MROH7: variants seen among roughly 807,000 people sequenced by gnomAD.
The protein encoded by MROH7 is maestro heat-like repeat-containing protein family member 7.
Under a neutral mutation model 129.2 loss-of-function variants are expected in MROH7, and 113 were observed. That is an observed-to-expected ratio of 0.87 (90% CI 0.75 to 1.02). The LOEUF (loss-of-function observed/expected upper bound fraction) is 1.02. MROH7 is among the 50% of genes least tolerant of loss of function. The pLI is 0.00. For missense variants in MROH7, 1,601 were observed against 1,671.3 expected (o/e 0.96, Z 0.73); for synonymous variants, 655 against 667.9 (o/e 0.98, Z 0.30).
intron 21 of MROH7, 102 bp from the exon 22 acceptor site, chr1:54,706,333 G>T: frequency 1.3e-6 from 1 of 795,896 alleles, no homozygotes; most frequent in Non-Finnish European, 2.2e-6. Context: ...GATATATTTG[G>T]GAGGCAGGGG....
intron 14 of MROH7, among the ~76,000 whole-genome samples, chr1:54,684,278 C>A (rs898549061): frequency 6.6e-6 from 1 of 152,208 alleles, no homozygotes; most frequent in African/African-American, 2.4e-5. Context: ...TGTCTCCCCC[C>A]AGGTCACCTA....
intron 10 of MROH7, among the ~76,000 whole-genome samples, chr1:54,675,450 C>G (rs912129774): frequency 2.6e-5 from 4 of 152,058 alleles, no homozygotes; most frequent in African/African-American, 9.7e-5. Context: ...GCATTTGGGA[C>G]AAAGATCTGG....
intron 1 of MROH7, among the ~76,000 whole-genome samples, chr1:54,648,152 GA>G (rs1644497556): frequency 6.6e-6 from 1 of 151,710 alleles, no homozygotes; most frequent in African/African-American, 2.4e-5. Context: ...CCAAAGTGCT[GA>G]GATTATAGAC....
At chr1:54,679,492 C>T in intron 12 of MROH7, 53 bp downstream of exon 12, 2 of 1,560,424 alleles carry the variant, frequency 1.3e-6, no homozygotes, top group African/African-American at 1.3e-5. Context: ...CGGGAGCTCC[C>T]CCCATGGCCT....
At chr1:54,645,655 C>CTTTTTTT (rs60788847) in intron 1 of MROH7, among the ~76,000 whole-genome samples, 23 of 124,226 alleles carry the variant, frequency 1.9e-4, no homozygotes, top group Admixed American at 1.2e-3. Flanking sequence ...TTCTTTCTTT[C>CTTTTTTT]TTTTTTTTTT....
chr1:54,661,702 T>A (rs1644734850), intron 3 of MROH7, among the ~76,000 whole-genome samples: 1 of 151,270 alleles, frequency 6.6e-6, no homozygotes, highest in African/African-American at 2.4e-5. Flanking sequence ...TTCAAGTGAT[T>A]TTCCTGCCTC....
Position 54,670,826 on chromosome 1 carries a change from G to A in MROH7, c.1496G>A (p.Arg499Gln), listed in dbSNP as rs559657355. ...CACACCCAGCCCACCCTGGGCATGC[G>A]GGAGAGGTCGGAGCTGGTGAACGTG... ...LSHTQPTLGM[R>Q]ERSELVNVCV... The change falls in exon 7 of 24, where the codon CGG (arginine) becomes CAG (glutamine). Residue 499 changes from arginine to glutamine, a missense_variant. Arg to Gln is a conservative substitution (Grantham distance 43, BLOSUM62 1). Transcript: ENST00000421030. 12 of 1,614,014 alleles carry A rather than the reference G, an allele frequency of 7.4e-6. No homozygotes were observed. Among genetic ancestry groups the A allele is most frequent in the East Asian group, 2.2e-5 (1 of 44,870 alleles).
intron 1 of MROH7, among the ~76,000 whole-genome samples, chr1:54,647,009 G>A (rs546661138): frequency 1.3e-5 from 2 of 152,098 alleles, no homozygotes; most frequent in East Asian, 1.9e-4. Context: ...TCCACTGTAC[G>A]GACATACCAT....
At position 54,679,395 on chromosome 1, in the gene MROH7, C is replaced by T. The variant is rs1230482553; in HGVS notation, c.2182C>T (p.Leu728Phe). The T allele has an allele frequency of 3.1e-6, 5 of 1,614,070 alleles. 1 individual carries two copies. In the Admixed American group the frequency reaches 6.7e-5, roughly 22 times the overall value. Residue 728 changes from leucine (L) to phenylalanine (F), a missense_variant, in exon 12 of 24, where the codon CTC (leucine) becomes TTC (phenylalanine). By Grantham distance (22) the Leu-to-Phe change is conservative. Transcript: ENST00000421030. ...GATGCAGCTGGCCTCGGAGGTCATGCTCAGCTCGGTGCTGGAGTGGTACCG... is the reference window on the plus strand; with the variant it reads ...GATGCAGCTGGCCTCGGAGGTCATGTTCAGCTCGGTGCTGGAGTGGTACCG... The part of the protein sequence containing the change: ...EMMQLASEVM[L>F]SSVLEWYRHR...
rs747584042 is a variant in MROH7 at position 54,695,577 on chromosome 1, C to T, written c.2964+87C>T. 16 of 842,896 alleles carry T rather than the reference C, an allele frequency of 1.9e-5. 1 individual carries two copies. Among genetic ancestry groups the T allele is most frequent in the South Asian group, 1.1e-4 (8 of 69,880 alleles). 52.2% of individuals were successfully genotyped at this position (842,896 alleles called of 1,614,324 possible). A position where few individuals can be genotyped will look rare whatever the true frequency, so the allele number is the denominator to read the frequency against. On this transcript the variant is annotated intron_variant, in intron 17 of 23. Transcript: ENST00000421030. ...GGTCATTTCTCCTATGTAAACAGTA[C>T]TTTATAGTTTACAAAGCCTTCCCAT...
intron 7 of MROH7, among the ~76,000 whole-genome samples, chr1:54,672,635 T>C (rs1644919567): frequency 6.6e-6 from 1 of 152,168 alleles, no homozygotes; most frequent in Non-Finnish European, 1.5e-5. Flanking sequence ...GATTGGCTCT[T>C]TCATTGATCC....
intron 14 of MROH7, among the ~76,000 whole-genome samples, chr1:54,684,974 G>A (rs1001377746): frequency 1.3e-5 from 2 of 151,916 alleles, no homozygotes; most frequent in African/African-American, 4.8e-5. Context: ...GCAATTAAAT[G>A]CTTTCCTCTT....
rs1180403682 is a variant in MROH7 at position 54,682,649 on chromosome 1, C to T, written c.2382-7C>T. On this transcript the variant is annotated splice_polypyrimidine_tract_variant and splice_region_variant and intron_variant, in intron 13 of 23. Transcript: ENST00000421030. Reference sequence around the variant, plus strand: ...ACCACTAATTGCCCACATCCCTGACCTCTCAGCAATGGAGCAGAGATGTGG... The same window carrying T: ...ACCACTAATTGCCCACATCCCTGACTTCTCAGCAATGGAGCAGAGATGTGG... The T allele has an allele frequency of 3.7e-6, 6 of 1,611,930 alleles. No homozygotes were observed. The highest frequency in any genetic ancestry group is 5.1e-6 in the Non-Finnish European group (6 of 1,179,054).
chr1:54,694,447 TC>T (rs1025467755), intron 16 of MROH7, among the ~76,000 whole-genome samples: 4 of 152,182 alleles, frequency 2.6e-5, no homozygotes, highest in Admixed American at 6.5e-5. Flanking sequence ...CCCTAAGAGT[TC>T]CTGCTTAGTA....
At chr1:54,682,939 G>A (rs1324717258) in intron 14 of MROH7, 145 bp downstream of exon 14, 9 of 876,886 alleles carry the variant, frequency 1.0e-5, no homozygotes, top group Non-Finnish European at 1.5e-5. Context: ...CTCTGGCTCT[G>A]GCTCTTGTCT....
intron 17 of MROH7, chr1:54,698,809 T>C (rs888179679): frequency 1.3e-5 from 2 of 151,692 alleles, no homozygotes; most frequent in Non-Finnish European, 2.9e-5. Context: ...TTTTTTTTTT[T>C]TTGGACGGCG....
intron 2 of MROH7, 40 bp from the exon 3 acceptor site, chr1:54,652,813 A>G (rs1321453548): frequency 2.1e-5 from 29 of 1,390,628 alleles, no homozygotes; most frequent in Non-Finnish European, 2.3e-5. Context: ...AAGCCTTAAC[A>G]GGTGTGGCAT....
rs555850620 is a variant in MROH7, at chr1:54,672,351, A to G, written c.1600-740A>G. On this transcript the variant is annotated intron_variant, in intron 7 of 23. Coordinates refer to ENST00000421030, the MANE Select transcript of MROH7 (RefSeq NM_001039464.4). ...GCAGACTCAGGGAGTCTAGACAATAACAACCTAGGAGGCACACTTAGGGAG... is the reference window on the plus strand; with the variant it reads ...GCAGACTCAGGGAGTCTAGACAATAGCAACCTAGGAGGCACACTTAGGGAG... Among the ~76,000 whole-genome samples the G allele has an allele frequency of 3.9e-5, 6 of 152,112 alleles. No homozygotes were observed. In the South Asian group the frequency reaches 1.2e-3, roughly 32 times the overall value.
chr1:54,706,330 T>C, intron 21 of MROH7, 105 bp from the exon 22 acceptor site: 2 of 780,236 alleles, frequency 2.6e-6, no homozygotes, highest in South Asian at 1.5e-5. Flanking sequence ...GCAGATATAT[T>C]TGGGAGGCAG....
Sources: gnomAD v4.1 joint callset for allele counts (sites outside exome capture counted in the v4.1 genomes callset) on GRCh38, gnomAD v4.1.1 for gene constraint, MANE v1.5 for transcripts, NCBI Gene and HGNC (gene_info 2026-07-23, HGNC 2026-07-21) for gene names.